Variants in RTCA observed in about 807,000 individuals in gnomAD.
RTCA encodes the protein RNA 3'-terminal phosphate cyclase.
In RTCA, 37 loss-of-function variants were observed where a neutral mutation model predicts 46.1. The ratio of observed to expected loss-of-function variants is 0.80; its 90% CI spans 0.62 to 1.06. The LOEUF (loss-of-function observed/expected upper bound fraction) is 1.06, where lower values mean the gene tolerates loss of function less well. Ranked by LOEUF, RTCA falls within the 50% of genes least tolerant of loss-of-function variation. The pLI is 0.00. For missense variants in RTCA, 435 were observed against 455.5 expected, an observed-to-expected ratio of 0.95 and a Z score of 0.41; for synonymous variants, 164 against 158.3, an observed-to-expected ratio of 1.04 and a Z score of -0.27.
chr1:100,266,917 AT>A (rs1487667186), intron 2 of RTCA: 1 of 441,780 alleles, frequency 2.3e-6, no homozygotes, highest in Non-Finnish European at 4.1e-6. Flanking sequence ...CATTCCAAAT[AT>A]CCGAACAGCA....
intron 5 of RTCA, 67 bp from the exon 6 acceptor site, chr1:100,274,757 T>A: frequency 7.1e-7 from 1 of 1,411,916 alleles, no homozygotes; most frequent in Non-Finnish European, 9.6e-7. Context: ...TGTCATTTTA[T>A]TGTAATATAG....
At chr1:100,288,049 C>T (rs1570893097) in intron 10 of RTCA, among the ~76,000 whole-genome samples, 1 of 152,256 alleles carries the variant, frequency 6.6e-6, no homozygotes, top group South Asian at 2.1e-4. Flanking sequence ...CCACCTTGGC[C>T]TCCCAAAGTG....
intron 8 of RTCA, among the ~76,000 whole-genome samples, chr1:100,280,678 T>C (rs1666661038): frequency 6.6e-6 from 1 of 152,206 alleles, no homozygotes; most frequent in African/African-American, 2.4e-5. Flanking sequence ...AGATCCCCTT[T>C]CATTTCTGAT....
chr1:100,274,104 A>G (rs1666245168), intron 5 of RTCA, among the ~76,000 whole-genome samples: 4 of 152,130 alleles, frequency 2.6e-5, no homozygotes, highest in African/African-American at 9.7e-5. Context: ...TGTTTTTTTC[A>G]ACGTGAAACT....
At chr1:100,267,446 CA>C in intron 2 of RTCA, 1 of 1,438,802 alleles carries the variant, frequency 7.0e-7, no homozygotes, top group Non-Finnish European at 9.2e-7. Context: ...GCTGCCATAA[CA>C]AAATGCCACA....
intron 3 of RTCA, 57 bp from the exon 4 acceptor site, chr1:100,270,500 T>C (rs879924807): frequency 6.3e-7 from 1 of 1,595,566 alleles, no homozygotes; most frequent in Non-Finnish European, 8.5e-7. Context: ...ATTTAAGAGT[T>C]TGAAAAGAAA....
intron 8 of RTCA, among the ~76,000 whole-genome samples, chr1:100,281,507 C>T (rs188674230): frequency 6.6e-6 from 1 of 152,282 alleles, no homozygotes; most frequent in Admixed American, 6.5e-5. Flanking sequence ...TTTGTCTTTC[C>T]ATTGTTGCGT....
Position 100,277,240 on chromosome 1 carries a change from A to C in RTCA, c.741-18A>C. 1 of 1,611,238 alleles carries C rather than the reference A, an allele frequency of 6.2e-7. No individual in the cohort carries two copies. The highest frequency in any genetic ancestry group is 1.1e-5 in the South Asian group (1 of 90,824). ...AACATTTATAGCAAAGGTAGTAATAACTTTTTTTCTTGCATAGAATTATTG... is the reference window on the plus strand; with the variant it reads ...AACATTTATAGCAAAGGTAGTAATACCTTTTTTTCTTGCATAGAATTATTG... On this transcript the variant is annotated intron_variant, in intron 7 of 10. Transcript: ENST00000370128.
chr1:100,270,221 T>A (rs1033412629), intron 3 of RTCA, among the ~76,000 whole-genome samples: 1 of 152,086 alleles, frequency 6.6e-6, no homozygotes, highest in Non-Finnish European at 1.5e-5. Flanking sequence ...TTATTTTTAA[T>A]TTTTTTTCTT....
chr1:100,289,994 G>T (rs1203666034), intron 10 of RTCA, among the ~76,000 whole-genome samples: 1 of 152,126 alleles, frequency 6.6e-6, no homozygotes, highest in Non-Finnish European at 1.5e-5. Flanking sequence ...CTTGTAATTT[G>T]AAAAATATAT....
intron 4 of RTCA, among the ~76,000 whole-genome samples, chr1:100,272,301 AAGTGGGCAC>A (rs780828118): frequency 2.0e-5 from 3 of 152,274 alleles, no homozygotes; most frequent in Non-Finnish European, 4.4e-5. Flanking sequence ...GTTCCAGCTG[AAGTGGGCAC>A]AGTGGTGTGT....
intron 8 of RTCA, among the ~76,000 whole-genome samples, 153 bp downstream of exon 8, chr1:100,277,469 G>A (rs1476554344): frequency 6.6e-6 from 1 of 152,148 alleles, no homozygotes; most frequent in Non-Finnish European, 1.5e-5. Context: ...CAGACTTTCA[G>A]TCTTTCTCCC....
chr1:100,283,935 G>GAAAAAAAAAAAAAAAAAA (rs763030720), intron 8 of RTCA, among the ~76,000 whole-genome samples: 2 of 55,096 alleles, frequency 3.6e-5, no homozygotes, highest in African/African-American at 7.9e-5. Context: ...AAAAAAAAAA[G>GAAAAAAAAAAAAAAAAAA]AAAAAAAAAA....
At chr1:100,272,376 G>C (rs1666147061) in intron 4 of RTCA, among the ~76,000 whole-genome samples, 1 of 152,118 alleles carries the variant, frequency 6.6e-6, no homozygotes, top group Non-Finnish European at 1.5e-5. Flanking sequence ...GATCTCTTGA[G>C]CTTAAGCTGG....
At chr1:100,271,018 C>T (rs1225017555) in intron 4 of RTCA, among the ~76,000 whole-genome samples, 2 of 151,810 alleles carry the variant, frequency 1.3e-5, no homozygotes, top group Non-Finnish European at 2.9e-5. Flanking sequence ...TGGTCTTGAA[C>T]TCCTGAGCTC....
At chr1:100,284,369 A>G (rs1399669740) in intron 8 of RTCA, among the ~76,000 whole-genome samples, 1 of 151,842 alleles carries the variant, frequency 6.6e-6, no homozygotes, top group Non-Finnish European at 1.5e-5. Context: ...CATAAAATGT[A>G]ATTTCCTGAC....
chr1:100,287,239 G>C, intron 10 of RTCA, 36 bp downstream of exon 10: 1 of 1,471,604 alleles, frequency 6.8e-7, no homozygotes, highest in Middle Eastern at 1.8e-4. Flanking sequence ...TTGATATTTT[G>C]ATTTTTATTT....
intron 10 of RTCA, 49 bp from the exon 11 acceptor site, chr1:100,291,354 T>C (rs752402894): frequency 1.4e-5 from 18 of 1,248,008 alleles, no homozygotes; most frequent in Non-Finnish European, 2.0e-5. Flanking sequence ...TGTGGGCTCT[T>C]TCCTCCATCT....
intron 10 of RTCA, among the ~76,000 whole-genome samples, chr1:100,290,865 A>G (rs1475142281): frequency 1.3e-5 from 2 of 152,226 alleles, no homozygotes; most frequent in South Asian, 2.1e-4. Flanking sequence ...TAAGCCCAGT[A>G]CATTAAAGAT....
Sources: gnomAD v4.1 joint callset for allele counts (sites outside exome capture counted in the v4.1 genomes callset) on GRCh38, gnomAD v4.1.1 for gene constraint, MANE v1.5 for transcripts, NCBI Gene and HGNC (gene_info 2026-07-23, HGNC 2026-07-21) for gene names.